ZNF37A: variants seen among roughly 807,000 people sequenced by gnomAD.
ZNF37A encodes the protein zinc finger protein 37a (KOX 21).
A neutral mutation model predicts 12.3 loss-of-function variants in ZNF37A; 10 were observed. The observed-to-expected ratio is 0.82, with a 90% CI of 0.50 to 1.38. The LOEUF is 1.38. ZNF37A is among the 40% of genes most tolerant of loss of function. ZNF37A has a pLI of 0.00. For missense variants in ZNF37A, 580 were observed against 651.2 expected (o/e 0.89, Z 1.19); for synonymous variants, 207 against 223.0 (o/e 0.93, Z 0.64).
In ZNF37A at chr10:38,114,787, C is replaced by T; in HGVS notation, c.48C>T (p.Gly16=). ...TGTCGTTTAGGGATGTGACTGTGGG[C>T]TTCACTCAAGAGGAGTGGCAGCATC... is the stretch of plus-strand genomic sequence containing the variant. ...GSVSFRDVTV[G]FTQEEWQHLD... is the part of the protein sequence containing the mutation. The change falls in exon 6 of 8, where the codon GGC becomes GGT. Residue 16 remains glycine, a synonymous_variant. Transcript: ENST00000685332. 6.2e-7 allele frequency: 1 copy of T among 1,613,960 alleles called. No homozygotes were observed. The highest frequency in any genetic ancestry group is 1.1e-5 in the South Asian group (1 of 91,076).
chr10:38,128,743 T>C (rs540264457), downstream of ZNF37A, among the ~76,000 whole-genome samples: 6 of 152,274 alleles, frequency 3.9e-5, no homozygotes, highest in Middle Eastern at 3.4e-3. Flanking sequence ...CATGAAGTGT[T>C]CTACTCTCAT....
chr10:38,146,792 T>C (rs1408591116), exon 8 of ZNF37A: 2 of 398,286 alleles, frequency 5.0e-6, no homozygotes, highest in Non-Finnish European at 8.8e-6. Flanking sequence ...ACCAGCTCGG[T>C]CGTGGAGACT....
chr10:38,109,802 T>G (rs1362091346), intron 5 of ZNF37A, among the ~76,000 whole-genome samples: 1 of 152,208 alleles, frequency 6.6e-6, no homozygotes. Context: ...GAAGGACCTC[T>G]TCAAGAAGAA....
At chr10:38,112,738 T>TCTTGGTCTTGGTCTTGGTCTTGG in intron 5 of ZNF37A, among the ~76,000 whole-genome samples, 10 of 58,892 alleles carry the variant, frequency 1.7e-4, no homozygotes, top group East Asian at 1.1e-3. Flanking sequence ...CCATTTTCTT[T>TCTTGGTCTTGGTCTTGGTCTTGG]TCTTTTCTTT....
chr10:38,141,123 C>T, intron 7 of ZNF37A: 1 of 152,020 alleles, frequency 6.6e-6, no homozygotes, highest in East Asian at 1.9e-4. Context: ...TATCTTTAAC[C>T]GAATATTTAC....
In ZNF37A at chr10:38,124,349, A is replaced by G. The variant is rs2069878932; in HGVS notation, c.*5512A>G. On this transcript the variant is annotated 3_prime_UTR_variant, in exon 8 of 8. Transcript: ENST00000685332. ...GGCAGTGAGGGCATGGTGAGGGGGAAGTGGGGAATGTTAACGGGCACAAAA... is the reference window on the plus strand; with the variant it reads ...GGCAGTGAGGGCATGGTGAGGGGGAGGTGGGGAATGTTAACGGGCACAAAA... The G allele has an allele frequency of 6.6e-6, 1 of 152,224 alleles. No individual in the cohort carries two copies. Among genetic ancestry groups the G allele is most frequent in the South Asian group, 2.1e-4 (1 of 4,834 alleles). 9.4% of individuals were successfully genotyped at this position (152,224 alleles called of 1,614,324 possible).
At chr10:38,138,230 C>T (rs2070135922) in intron 7 of ZNF37A, 1 of 152,192 alleles carries the variant, frequency 6.6e-6, no homozygotes. Context: ...GAGAGAACTT[C>T]ACCTAGGCTT....
At chr10:38,148,896 G>C (rs947142647) in exon 8 of ZNF37A, 2 of 151,586 alleles carry the variant, frequency 1.3e-5, no homozygotes, top group Admixed American at 1.3e-4. Flanking sequence ...GGAGTGCAGT[G>C]GTACAATCCT....
rs146618563 is a variant in ZNF37A, at chr10:38,115,908, G to C, written c.238+618G>C. Among the ~76,000 whole-genome samples the C allele has an allele frequency of 6.8e-3, 1,035 of 151,736 alleles. 9 individuals are homozygous for C. Among genetic ancestry groups the C allele is most frequent in the Non-Finnish European group, 7.1e-3 (482 of 67,912 alleles). ...TATGAAAACTTAAAAAATTAGCCAG[G>C]CATGGTGGCACACACCTGTGGTCCC... On this transcript the variant is annotated intron_variant, in intron 7 of 7. Coordinates refer to ENST00000685332, the MANE Select transcript of ZNF37A (RefSeq NM_001324250.3).
At chr10:38,126,807 A>C (rs1190001239), downstream of ZNF37A, among the ~76,000 whole-genome samples, 1 of 152,038 alleles carries the variant, frequency 6.6e-6, no homozygotes, top group East Asian at 1.9e-4. Context: ...AACTATAGCC[A>C]TAACTGCACC....
At chr10:38,124,732 T>C (rs1323445875), downstream of ZNF37A, 2 of 152,220 alleles carry the variant, frequency 1.3e-5, no homozygotes, top group Non-Finnish European at 2.9e-5. Flanking sequence ...TTCCAAAATG[T>C]GTATGGCAGA....
At position 38,115,066 on chromosome 10, in the gene ZNF37A, A is replaced by AGTGTGTGTGT. The variant is rs56124182; in HGVS notation, c.143-88_143-79dup. 2.0e-3 allele frequency: 1,237 copies of AGTGTGTGTGT among 621,272 alleles called. 10 individuals are homozygous for AGTGTGTGTGT. Among genetic ancestry groups the AGTGTGTGTGT allele is most frequent in the South Asian group, 3.7e-3 (140 of 37,400 alleles). The allele number at this position is 621,272 out of a possible 1,614,324, so 38.5% of individuals were successfully genotyped here. On this transcript the variant is annotated intron_variant, in intron 6 of 7. Transcript: ENST00000685332. ...CTGCCCCCATGACAGGATTAAATGA[A>AGTGTGTGTGT]GTGTGTGTGTGTGTGTGTGTGTGTG...
downstream of ZNF37A, among the ~76,000 whole-genome samples, chr10:38,128,746 A>G (rs893758743): frequency 1.3e-5 from 2 of 151,946 alleles, no homozygotes; most frequent in Non-Finnish European, 2.9e-5. Context: ...GAAGTGTTCT[A>G]CTCTCATTCA....
intron 5 of ZNF37A, among the ~76,000 whole-genome samples, chr10:38,113,083 G>T (rs921158513): frequency 2.0e-5 from 3 of 152,086 alleles, no homozygotes; most frequent in Non-Finnish European, 4.4e-5. Context: ...TGGGATTACA[G>T]GCATGAGCCA....
In ZNF37A at chr10:38,119,483, A is replaced by G. The variant is rs549227715; in HGVS notation, c.*646A>G. 15 of 810,150 alleles carry G rather than the reference A, an allele frequency of 1.9e-5. No individual in the cohort carries two copies. In the African/African-American group the frequency reaches 2.8e-4, roughly 15 times the overall value. The allele number at this position is 810,150 out of a possible 1,614,324, so 50.2% of individuals were successfully genotyped here. ...TAGTAGAGAAAGTATTTTTAACTGT[A>G]TCCAATGTGTGGATGTTTTAAGTTA... is the stretch of plus-strand genomic sequence containing the variant. On this transcript the variant is annotated 3_prime_UTR_variant, in exon 8 of 8. Coordinates refer to ENST00000685332, the MANE Select transcript of ZNF37A (RefSeq NM_001324250.3).
rs1224676683 is a variant in ZNF37A at position 38,114,864 on chromosome 10, G to T, written c.125G>T (p.Ser42Ile). The T allele has an allele frequency of 6.2e-7, 1 of 1,612,998 alleles. No individual in the cohort carries two copies. Among genetic ancestry groups the T allele is most frequent in the Non-Finnish European group, 8.5e-7 (1 of 1,179,602 alleles). ...AGGGATGTGATGCTGGAGAACTACAGCCACCTTGTCTCAGTAGGTAGGTAG... is the reference window on the plus strand; with the variant it reads ...AGGGATGTGATGCTGGAGAACTACATCCACCTTGTCTCAGTAGGTAGGTAG... ...LYRDVMLENY[S>I]HLVSVGYCIP... The change falls in exon 6 of 8, where the codon AGC (serine) becomes ATC (isoleucine). Residue 42 changes from serine (S) to isoleucine (I), a missense_variant. Physicochemically the swap from Ser to Ile is moderately radical, Grantham distance 142. Transcript: ENST00000685332.
intron 5 of ZNF37A, among the ~76,000 whole-genome samples, chr10:38,106,201 CAG>C (rs1366592473): frequency 6.6e-6 from 1 of 152,206 alleles, no homozygotes; most frequent in Non-Finnish European, 1.5e-5. Flanking sequence ...CCGAGGCAAA[CAG>C]GGTCTGGAGT....
intron 7 of ZNF37A, chr10:38,137,961 C>A (rs538472010): frequency 1.3e-5 from 2 of 152,222 alleles, no homozygotes; most frequent in South Asian, 4.1e-4. Context: ...TGTTAGTTTT[C>A]CTGTATTGGA....
chr10:38,116,662 G>T (rs188431818), intron 7 of ZNF37A, among the ~76,000 whole-genome samples: 1 of 152,294 alleles, frequency 6.6e-6, no homozygotes, highest in East Asian at 1.9e-4. Flanking sequence ...TGGGACATTG[G>T]ACTCAGTATA....
Sources: allele counts gnomAD v4.1 joint callset (sites outside exome capture counted in the v4.1 genomes callset), GRCh38; gene constraint gnomAD v4.1.1; transcripts MANE v1.5; gene names NCBI Gene and HGNC (gene_info 2026-07-23, HGNC 2026-07-21).